KIAA1217: variants seen among roughly 807,000 people sequenced by gnomAD.
The protein encoded by KIAA1217 is KIAA1217, also known as sickle tail protein homolog.
In KIAA1217, 88 loss-of-function variants were observed where a neutral mutation model predicts 163.9. The observed-to-expected ratio is 0.54, with a 90% CI of 0.45 to 0.64. KIAA1217 has a LOEUF of 0.64. KIAA1217 is among the 30% of genes least tolerant of loss of function. The pLI is 0.00. For missense variants in KIAA1217, 2,372 were observed against 2,475.0 expected (o/e 0.96, Z 0.88); for synonymous variants, 903 against 923.1 (o/e 0.98, Z 0.39).
At chr10:23,786,901 A>G (rs968444313) in intron 1 of KIAA1217, among the ~76,000 whole-genome samples, 4 of 152,202 alleles carry the variant, frequency 2.6e-5, no homozygotes, top group African/African-American at 9.6e-5. Flanking sequence ...CATGACAGCT[A>G]TCTTTGTGTC....
intron 2 of KIAA1217, among the ~76,000 whole-genome samples, chr10:24,326,426 A>C (rs916719084): frequency 6.6e-6 from 1 of 152,312 alleles, no homozygotes; most frequent in African/African-American, 2.4e-5. Context: ...GGTTTAGCTC[A>C]TGAAACATAA....
In KIAA1217 at chr10:24,101,163, G is replaced by T. The variant is rs571969268; in HGVS notation, c.-171+93789G>T. Among the ~76,000 whole-genome samples, 72 of 152,264 alleles carry T rather than the reference G, an allele frequency of 4.7e-4. 1 individual carries two copies. Among genetic ancestry groups the T allele is most frequent in the African/African-American group, 1.6e-3 (68 of 41,552 alleles). On this transcript the variant is annotated intron_variant, in intron 2 of 18. Transcript: ENST00000376462. ...GGAGTCAAATCACAAAAGGAGTCAA[G>T]GTCAAAATACAGCCATGGCTTGATG...
chr10:23,861,151 A>G (rs1839932905), intron 1 of KIAA1217, among the ~76,000 whole-genome samples: 1 of 151,928 alleles, frequency 6.6e-6, no homozygotes, highest in South Asian at 2.1e-4. Context: ...GGGTTCAAAC[A>G]ATCTGCCCAC....
chr10:24,001,400 G>A (rs1468738045), intron 1 of KIAA1217, among the ~76,000 whole-genome samples: 2 of 152,170 alleles, frequency 1.3e-5, no homozygotes, highest in Admixed American at 1.3e-4. Flanking sequence ...CCTCCAAAGA[G>A]TTCAGATTCT....
chr10:24,010,484 T>A (rs1011414797), intron 2 of KIAA1217, among the ~76,000 whole-genome samples: 2 of 151,988 alleles, frequency 1.3e-5, no homozygotes, highest in African/African-American at 4.8e-5. Flanking sequence ...GATCCTTTTT[T>A]TTTTTTACCA....
intron 1 of KIAA1217, among the ~76,000 whole-genome samples, chr10:23,849,669 A>G (rs549730753): frequency 6.6e-6 from 1 of 152,162 alleles, no homozygotes; most frequent in Admixed American, 6.6e-5. Context: ...TACATAAAGT[A>G]TAATAATAAA....
In KIAA1217 at chr10:24,520,303, G is replaced by A. The variant is rs200357892; in HGVS notation, c.2308+50G>A. 3.8e-4 allele frequency: 611 copies of A among 1,600,618 alleles called. 2 individuals carry two copies. In the African/African-American group the frequency reaches 7.2e-3, roughly 19 times the overall value. On this transcript the variant is annotated intron_variant, in intron 11 of 20. Coordinates refer to ENST00000376454, the MANE Select transcript of KIAA1217 (RefSeq NM_019590.5). ...AGGAGTCTGAGCTGTCTTTCCTGCG[G>A]TGTTTAAAAATCTGCCACATAGAGG...
At chr10:24,088,274 T>TATATATATATATACAC (rs1285415158) in intron 2 of KIAA1217, among the ~76,000 whole-genome samples, 3 of 107,246 alleles carry the variant, frequency 2.8e-5, no homozygotes, top group African/African-American at 9.3e-5. Flanking sequence ...TATATATATA[T>TATATATATATATACAC]ACACACATAT....
Position 23,790,353 on chromosome 10 carries a change from ATATG to A in KIAA1217, c.-321+95120_-321+95123del, listed in dbSNP as rs1835773523. On this transcript the variant is annotated intron_variant, in intron 1 of 18. Coordinates refer to the KIAA1217 transcript ENST00000376462. Reference sequence around the variant, plus strand: ...CATATATGCATATATACATATGCATATATGCATATATACATATACATATGTATAT... The same window carrying A: ...CATATATGCATATATACATATGCATACATATATACATATACATATGTATAT... Among the ~76,000 whole-genome samples the A allele has an allele frequency of 1.9e-5, 2 of 103,980 alleles. 1 individual carries two copies. The highest frequency in any genetic ancestry group is 9.0e-5 in the African/African-American group (2 of 22,338). 68.2% of individuals were successfully genotyped at this position (103,980 alleles called of 152,430 possible).
At chr10:24,365,420 A>G (rs1331848646) in intron 2 of KIAA1217, among the ~76,000 whole-genome samples, 1 of 151,116 alleles carries the variant, frequency 6.6e-6, no homozygotes, top group African/African-American at 2.4e-5. Flanking sequence ...TTCCCTGTCC[A>G]TAGCAGCTCT....
chr10:23,745,963 C>A (rs1839390100), intron 1 of KIAA1217, among the ~76,000 whole-genome samples: 1 of 152,210 alleles, frequency 6.6e-6, no homozygotes, highest in African/African-American at 2.4e-5. Flanking sequence ...TTTACAAACA[C>A]CACTTTTTGA....
intron 6 of KIAA1217, among the ~76,000 whole-genome samples, chr10:24,480,048 A>C (rs1411898): frequency 0.11 from 16,183 of 152,136 alleles, 1,041 homozygotes; most frequent in East Asian, 0.16. Flanking sequence ...TCCAAACCGT[A>C]GCAGATGTTT....
Position 23,994,500 on chromosome 10 carries a change from G to A in KIAA1217, c.-320-12725G>A, listed in dbSNP as rs990593346. ...GTTGCCCTTTCTTTCTACTACCCAGGTCAAGCTTTGGAGAAATGGGACAGA... is the reference window on the plus strand; with the variant it reads ...GTTGCCCTTTCTTTCTACTACCCAGATCAAGCTTTGGAGAAATGGGACAGA... On this transcript the variant is annotated intron_variant, in intron 1 of 18. Coordinates refer to the KIAA1217 transcript ENST00000376462. 2.0e-5 allele frequency among the ~76,000 whole-genome samples: 3 copies of A among 152,098 alleles called. No individual in the cohort carries two copies. In the South Asian group the frequency reaches 6.2e-4, roughly 31 times the overall value.
intron 2 of KIAA1217, among the ~76,000 whole-genome samples, chr10:24,347,373 G>T (rs1375572461): frequency 2.0e-5 from 3 of 152,208 alleles, no homozygotes; most frequent in Non-Finnish European, 4.4e-5. Context: ...GGGACTGGAA[G>T]GAGCCATTGA....
At chr10:24,381,715 C>A (rs1289325669) in intron 3 of KIAA1217, among the ~76,000 whole-genome samples, 1 of 152,178 alleles carries the variant, frequency 6.6e-6, no homozygotes, top group Non-Finnish European at 1.5e-5. Flanking sequence ...GAGGAACTGA[C>A]CGTAGAATGA....
At chr10:23,965,585 A>G (rs1845032479) in intron 1 of KIAA1217, among the ~76,000 whole-genome samples, 1 of 152,254 alleles carries the variant, frequency 6.6e-6, no homozygotes. Flanking sequence ...TTTGAAAACA[A>G]TTAGATCAGA....
In KIAA1217 at chr10:23,961,750, A is replaced by G. The variant is rs1438339094; in HGVS notation, c.-320-45475A>G. Among the ~76,000 whole-genome samples, 3 of 152,200 alleles carry G rather than the reference A, an allele frequency of 2.0e-5. No individual in the cohort carries two copies. In the East Asian group the frequency reaches 5.8e-4, roughly 29 times the overall value. On this transcript the variant is annotated intron_variant, in intron 1 of 18. Transcript: ENST00000376462. The stretch of plus-strand genomic sequence containing the variant: ...CAGAGTGAGTGGCTTAAGCAGAAAC[A>G]TATCATCTCACAGTTCTAGCGGCTG...
At chr10:23,881,112 G>C (rs1840930518) in intron 1 of KIAA1217, among the ~76,000 whole-genome samples, 1 of 151,694 alleles carries the variant, frequency 6.6e-6, no homozygotes, top group African/African-American at 2.4e-5. Flanking sequence ...AAAAAAAAAT[G>C]CTGAAGCCAT....
chr10:23,811,589 A>G (rs1837056693), intron 1 of KIAA1217, among the ~76,000 whole-genome samples: 1 of 152,016 alleles, frequency 6.6e-6, no homozygotes, highest in African/African-American at 2.4e-5. Flanking sequence ...CCTTACTGCA[A>G]TGTGAGGATG....
Sources: allele counts gnomAD v4.1 joint callset (sites outside exome capture counted in the v4.1 genomes callset), GRCh38; gene constraint gnomAD v4.1.1; transcripts MANE v1.5; gene names NCBI Gene and HGNC (gene_info 2026-07-23, HGNC 2026-07-21).